PCNX2: variants seen among roughly 807,000 people sequenced by gnomAD.
PCNX2 encodes pecanex 2.
In PCNX2, 168 loss-of-function variants were observed where a neutral mutation model predicts 223.8. That is an observed-to-expected ratio of 0.75 (90% CI 0.66 to 0.85). The LOEUF (loss-of-function observed/expected upper bound fraction) is 0.85. PCNX2 is among the 40% of genes least tolerant of loss of function. PCNX2 has a pLI of 0.00. For missense variants in PCNX2, 2,507 were observed against 2,675.5 expected (o/e 0.94, Z 1.39); for synonymous variants, 1,006 against 1,052.6 (o/e 0.96, Z 0.86).
At position 232,984,209 on chromosome 1, in the gene PCNX2, G is replaced by C; in HGVS notation, c.*95C>G. On this transcript the variant is annotated 3_prime_UTR_variant, in exon 34 of 34. Coordinates refer to ENST00000258229, the MANE Select transcript of PCNX2 (RefSeq NM_014801.4). ...CAGGAGGAGTCCCTCATGGATCGCG[G>C]TATTGGTTGGTTGTGGTGATTTGGG... 8.2e-7 allele frequency: 1 copy of C among 1,219,052 alleles called. No individual in the cohort carries two copies. 75.5% of individuals were successfully genotyped at this position (1,219,052 alleles called of 1,614,324 possible).
At chr1:233,073,727 C>T (rs2102908217) in intron 23 of PCNX2, among the ~76,000 whole-genome samples, 1 of 152,156 alleles carries the variant, frequency 6.6e-6, no homozygotes, top group East Asian at 1.9e-4. Flanking sequence ...ATCCTCTAAC[C>T]TCAGCCTCTT....
At chr1:233,248,317 C>T (rs962874726) in intron 8 of PCNX2, among the ~76,000 whole-genome samples, 6 of 151,970 alleles carry the variant, frequency 3.9e-5, no homozygotes, top group African/African-American at 1.2e-4. Flanking sequence ...TGTGTGTGTA[C>T]GTAAGCCCAG....
In PCNX2 at chr1:233,016,983, G is replaced by T. The variant is rs751554663; in HGVS notation, c.4777C>A (p.Arg1593=). 6.2e-7 allele frequency: 1 copy of T among 1,613,600 alleles called. No homozygotes were observed. The highest frequency in any genetic ancestry group is 1.3e-5 in the African/African-American group (1 of 74,882). Residue 1593 remains arginine (R), a synonymous_variant, in exon 27 of 34, where the codon CGA becomes AGA. Coordinates refer to ENST00000258229, the MANE Select transcript of PCNX2 (RefSeq NM_014801.4). The stretch of plus-strand genomic sequence containing the variant: ...AGATAAACATTGCAGAAGCTAGCTC[G>T]TGTGATCCCCTGGAGACACGGGACG... ...DYVPCLQGIT[R]ASFCNVYLEW... is the part of the protein sequence containing the mutation.
intron 9 of PCNX2, among the ~76,000 whole-genome samples, chr1:233,235,957 A>AAAATATATATGTATATATAT (rs369886650): frequency 4.3e-5 from 4 of 93,112 alleles, no homozygotes; most frequent in African/African-American, 1.6e-4. Flanking sequence ...CATAAAAAAA[A>AAAATATATATGTATATATAT]ATATATATAT....
chr1:233,108,421 A>G (rs1674927810), intron 21 of PCNX2, among the ~76,000 whole-genome samples: 1 of 152,196 alleles, frequency 6.6e-6, no homozygotes, highest in South Asian at 2.1e-4. Flanking sequence ...AGTGGAATCG[A>G]TGAGTTGGTG....
At chr1:233,161,165 TC>T in intron 18 of PCNX2, 105 bp downstream of exon 18, 2 of 1,057,714 alleles carry the variant, frequency 1.9e-6, no homozygotes, top group Non-Finnish European at 2.8e-6. Context: ...CATTTTGTTT[TC>T]TTTCTCTGGC....
intron 25 of PCNX2, among the ~76,000 whole-genome samples, chr1:233,043,902 T>G (rs952555150): frequency 2.6e-5 from 4 of 151,716 alleles, no homozygotes; most frequent in Non-Finnish European, 5.9e-5. Flanking sequence ...GCATGATTTA[T>G]AGTCCTTTGG....
chr1:233,116,478 C>T (rs969603636), intron 21 of PCNX2, among the ~76,000 whole-genome samples: 4 of 152,076 alleles, frequency 2.6e-5, no homozygotes, highest in African/African-American at 9.6e-5. Flanking sequence ...AAGAAATCAA[C>T]CTAGAAATGA....
intron 5 of PCNX2, among the ~76,000 whole-genome samples, chr1:233,255,841 A>G (rs1415179880): frequency 6.6e-6 from 1 of 152,196 alleles, no homozygotes; most frequent in Non-Finnish European, 1.5e-5. Context: ...ACACACTCAA[A>G]AACTGGGTTT....
intron 23 of PCNX2, chr1:233,086,891 T>G: frequency 2.2e-6 from 1 of 457,266 alleles, no homozygotes; most frequent in Non-Finnish European, 2.9e-6. Flanking sequence ...ACTGCAGGCT[T>G]TTGAGGAGAA....
At chr1:233,152,862 G>T (rs1047069126) in intron 19 of PCNX2, among the ~76,000 whole-genome samples, 1 of 152,164 alleles carries the variant, frequency 6.6e-6, no homozygotes, top group Non-Finnish European at 1.5e-5. Flanking sequence ...TAGGCTAAAG[G>T]TGCTACATTT....
At chr1:233,306,094 G>A in the PCNX2 span, among the ~76,000 whole-genome samples, 1 of 152,138 alleles carries the variant, frequency 6.6e-6, no homozygotes. Flanking sequence ...TTTGTGGGCA[G>A]CTATTATTAT....
At chr1:233,255,945 C>T (rs1659711844) in intron 5 of PCNX2, among the ~76,000 whole-genome samples, 1 of 152,160 alleles carries the variant, frequency 6.6e-6, no homozygotes, top group Non-Finnish European at 1.5e-5. Flanking sequence ...ATCTAATTTG[C>T]CACCTTTGAC....
intron 21 of PCNX2, among the ~76,000 whole-genome samples, chr1:233,109,940 T>C (rs1301489898): frequency 6.6e-6 from 1 of 151,992 alleles, no homozygotes; most frequent in African/African-American, 2.4e-5. Flanking sequence ...ATATAAAAAT[T>C]AGCCGGGCTG....
intron 9 of PCNX2, among the ~76,000 whole-genome samples, chr1:233,235,632 C>T (rs1055723297): frequency 2.0e-5 from 3 of 152,250 alleles, no homozygotes; most frequent in Admixed American, 6.5e-5. Context: ...GACAGAGTCT[C>T]GCTCTGTTGC....
chr1:232,995,122 C>T (rs569473848), intron 32 of PCNX2, among the ~76,000 whole-genome samples: 5 of 152,166 alleles, frequency 3.3e-5, no homozygotes, highest in Admixed American at 3.3e-4. Flanking sequence ...AGAACTGTTA[C>T]TGTTATCAAA....
chr1:233,064,522 T>C (rs1672519523), intron 23 of PCNX2, among the ~76,000 whole-genome samples: 1 of 152,168 alleles, frequency 6.6e-6, no homozygotes, highest in Non-Finnish European at 1.5e-5. Flanking sequence ...TAGTTGAAAC[T>C]TTCTGCTTCT....
chr1:233,242,623 T>C (rs1428744180), intron 8 of PCNX2, among the ~76,000 whole-genome samples: 2 of 152,188 alleles, frequency 1.3e-5, no homozygotes, highest in East Asian at 3.8e-4. Flanking sequence ...CAAAGAAATA[T>C]AAATATTTGC....
chr1:233,186,374 G>C (rs971071724), intron 15 of PCNX2, among the ~76,000 whole-genome samples: 5 of 152,136 alleles, frequency 3.3e-5, no homozygotes, highest in African/African-American at 4.8e-5. Flanking sequence ...GGCCCATAAA[G>C]TTCCCGAAAT....
Sources: allele counts gnomAD v4.1 joint callset (sites outside exome capture counted in the v4.1 genomes callset), GRCh38; gene constraint gnomAD v4.1.1; transcripts MANE v1.5; gene names NCBI Gene and HGNC (gene_info 2026-07-23, HGNC 2026-07-21).